YTHDC1: variants seen among roughly 807,000 people sequenced by gnomAD.
The protein encoded by YTHDC1 is YTH N6-methyladenosine RNA binding protein C1.
In YTHDC1, 12 loss-of-function variants were observed where a neutral mutation model predicts 107.0. The observed-to-expected ratio is 0.11, with a 90% confidence interval of 0.07 to 0.18. The LOEUF (loss-of-function observed/expected upper bound fraction) is 0.18. Ranked by LOEUF, YTHDC1 falls within the 10% of genes least tolerant of loss-of-function variation. The pLI, the probability that YTHDC1 is intolerant of heterozygous loss-of-function variation, is 1.00. For missense variants in YTHDC1, 635 were observed against 898.8 expected, an observed-to-expected ratio of 0.71 and a Z score of 3.75; for synonymous variants, 280 against 289.5, an observed-to-expected ratio of 0.97 and a Z score of 0.33.
At chr4:68,342,355 G>T (rs941805268) in intron 1 of YTHDC1, among the ~76,000 whole-genome samples, 1 of 152,128 alleles carries the variant, frequency 6.6e-6, no homozygotes, top group Non-Finnish European at 1.5e-5. Context: ...GGCAACCACC[G>T]AGTAGGCAGA....
In YTHDC1 at chr4:68,311,691, A is replaced by G. The variant is rs1721316964; in HGVS notation, c.*2408T>C. ...AACAGTGATGATTATGTGAGCCAAC[A>G]GAATTGTTTAGAATAGTGCCAGATA... On this transcript the variant is annotated 3_prime_UTR_variant, in exon 17 of 17. Coordinates refer to ENST00000344157, the MANE Select transcript of YTHDC1 (RefSeq NM_001031732.4). The G allele has an allele frequency of 6.6e-6, 1 of 152,250 alleles. No homozygotes were observed. Among genetic ancestry groups the G allele is most frequent in the African/African-American group, 2.4e-5 (1 of 41,460 alleles). 9.4% of individuals were successfully genotyped at this position (152,250 alleles called of 1,614,324 possible).
chr4:68,314,405 T>C (rs574147660), intron 16 of YTHDC1, 82 bp from the exon 17 acceptor site: 276 of 1,176,282 alleles, frequency 2.3e-4, no homozygotes, highest in Admixed American at 4.7e-4. Context: ...AAAAAATTTA[T>C]ATAAACAATT....
In YTHDC1 at chr4:68,314,322, T is replaced by G; in HGVS notation, c.1961A>C (p.His654Pro). ...ATCATCCACCCTCATATCATAATCA[T>G]GCTAGAAAAGGAAAGAAATGTGTTA... ...HEARYRDKRV[H>P]DYDMRVDDFL... Residue 654 changes from histidine (H) to proline (P), a missense_variant and splice_region_variant, in exon 17 of 17, where the codon CAT becomes CCT. This residue lies in a region of YTHDC1 where 256 missense variants were observed against 372.9 expected (regional missense o/e 0.69). Coordinates refer to ENST00000344157, the MANE Select transcript of YTHDC1 (RefSeq NM_001031732.4). 6.2e-7 allele frequency: 1 copy of G among 1,613,764 alleles called. No homozygotes were observed. The highest frequency in any genetic ancestry group is 8.5e-7 in the Non-Finnish European group (1 of 1,179,952).
intron 4 of YTHDC1, 81 bp from the exon 5 acceptor site, chr4:68,333,478 G>C: frequency 2.0e-6 from 2 of 1,019,648 alleles, no homozygotes; most frequent in Non-Finnish European, 2.9e-6. Flanking sequence ...ATCATTACAT[G>C]TCTAGTTTTT....
rs866878881 is a variant in YTHDC1, at chr4:68,336,536, G to C, written c.883+491C>G. ...CCTCTTGTCGACCCTGTCTCAGCCA[G>C]TCAACTGACAGACACAAAATTAGAA... On this transcript the variant is annotated intron_variant, in intron 4 of 16. Transcript: ENST00000344157. Among the ~76,000 whole-genome samples the C allele has an allele frequency of 2.1e-4, 32 of 152,250 alleles. No individual in the cohort carries two copies. In the South Asian group the frequency reaches 2.3e-3, roughly 11 times the overall value.
chr4:68,321,853 A>G (rs1301869494), intron 11 of YTHDC1, among the ~76,000 whole-genome samples: 1 of 152,222 alleles, frequency 6.6e-6, no homozygotes, highest in Non-Finnish European at 1.5e-5. Context: ...GCAAATCTAC[A>G]CAGGGGAAGG....
At chr4:68,326,320 C>G (rs540153650) in intron 9 of YTHDC1, among the ~76,000 whole-genome samples, 27 of 152,226 alleles carry the variant, frequency 1.8e-4, no homozygotes, top group African/African-American at 6.5e-4. Context: ...CAGAACATCA[C>G]AGAAAACTGT....
At chr4:68,335,350 T>G (rs950005146) in intron 4 of YTHDC1, among the ~76,000 whole-genome samples, 1 of 152,184 alleles carries the variant, frequency 6.6e-6, no homozygotes, top group Non-Finnish European at 1.5e-5. Flanking sequence ...TAAGGGATTT[T>G]CCTTTATAAG....
chr4:68,330,476 TA>T (rs1405886981), intron 7 of YTHDC1, among the ~76,000 whole-genome samples, 166 bp from the exon 8 acceptor site: 1 of 152,120 alleles, frequency 6.6e-6, no homozygotes, highest in Non-Finnish European at 1.5e-5. Context: ...AGTAATAATT[TA>T]TAAAAACCTA....
Position 68,337,124 on chromosome 4 carries a change from A to G in YTHDC1, c.786T>C (p.Asn262=). The G allele has an allele frequency of 6.2e-7, 1 of 1,613,744 alleles. No individual in the cohort carries two copies. Among genetic ancestry groups the G allele is most frequent in the Non-Finnish European group, 8.5e-7 (1 of 1,179,904 alleles). The change falls in exon 4 of 17, where the codon AAT becomes AAC. Residue 262 remains asparagine (N), a synonymous_variant. Coordinates refer to ENST00000344157, the MANE Select transcript of YTHDC1 (RefSeq NM_001031732.4). Reference sequence around the variant, plus strand: ...TGGCCTCACTTCGAGTGTCATAATCATTTCCCTCCTCTTTCTGGTCTCTCT... The same window carrying G: ...TGGCCTCACTTCGAGTGTCATAATCGTTTCCCTCCTCTTTCTGGTCTCTCT... ...QDERDQKEEG[N]DYDTRSEASD... is the part of the protein sequence containing the mutation.
chr4:68,341,892 G>A (rs1724843463), intron 1 of YTHDC1, among the ~76,000 whole-genome samples: 1 of 152,144 alleles, frequency 6.6e-6, no homozygotes, highest in Middle Eastern at 3.2e-3. Flanking sequence ...TTGGGGAAAG[G>A]AAAAGCAGGA....
intron 9 of YTHDC1, among the ~76,000 whole-genome samples, chr4:68,327,876 G>A (rs746732400): frequency 1.2e-4 from 19 of 152,084 alleles, no homozygotes; most frequent in Non-Finnish European, 2.2e-4. Flanking sequence ...CACTTGAATA[G>A]AACTTGAGTA....
At chr4:68,315,786 C>G (rs1434340280) in intron 16 of YTHDC1, 1 of 152,172 alleles carries the variant, frequency 6.6e-6, no homozygotes, top group African/African-American at 2.4e-5. Flanking sequence ...GAATAAAGGA[C>G]ATGTCTGCTA....
At chr4:68,321,486 G>A (rs1346532748) in intron 11 of YTHDC1, among the ~76,000 whole-genome samples, 1 of 152,174 alleles carries the variant, frequency 6.6e-6, no homozygotes, top group South Asian at 2.1e-4. Flanking sequence ...ATAAATGGAG[G>A]CCCTGGCAGG....
Position 68,320,104 on chromosome 4 carries a change from A to G in YTHDC1, c.1684+19T>C. 6.4e-7 allele frequency: 1 copy of G among 1,557,018 alleles called. No individual in the cohort carries two copies. The highest frequency in any genetic ancestry group is 8.7e-7 in the Non-Finnish European group (1 of 1,143,658). ...CAATAATTTGAAATCAAATATCTGCAGGATTATAAAATATTAACCTGGTCT... is the reference window on the plus strand; with the variant it reads ...CAATAATTTGAAATCAAATATCTGCGGGATTATAAAATATTAACCTGGTCT... On this transcript the variant is annotated intron_variant, in intron 12 of 16. Transcript: ENST00000344157.
At position 68,336,219 on chromosome 4, in the gene YTHDC1, T is replaced by C. The variant is rs963579916; in HGVS notation, c.883+808A>G. 5.3e-5 allele frequency among the ~76,000 whole-genome samples: 8 copies of C among 152,018 alleles called. No individual in the cohort carries two copies. In the South Asian group the frequency reaches 1.5e-3, roughly 28 times the overall value. On this transcript the variant is annotated intron_variant, in intron 4 of 16. Transcript: ENST00000344157. The stretch of plus-strand genomic sequence containing the variant: ...GGAATTTTCTTATGTTTAGTACATT[T>C]TGCTTATGTAGCAATCTGGTAGCAT...
chr4:68,331,425 TTA>T (rs1723566792), intron 7 of YTHDC1, among the ~76,000 whole-genome samples: 1 of 152,114 alleles, frequency 6.6e-6, no homozygotes, highest in South Asian at 2.1e-4. Context: ...AGAAATATCA[TTA>T]GAGAAATGTC....
In YTHDC1 at chr4:68,341,679, T is replaced by C. The variant is rs560993019; in HGVS notation, c.29-3295A>G. On this transcript the variant is annotated intron_variant, in intron 1 of 16. Coordinates refer to ENST00000344157, the MANE Select transcript of YTHDC1 (RefSeq NM_001031732.4). ...CAAAGAGTTTTGCCAACCCCTGATA[T>C]AATACAAATGACCAAATTTTAAGTA... is the stretch of plus-strand genomic sequence containing the variant. Among the ~76,000 whole-genome samples the C allele has an allele frequency of 6.6e-5, 10 of 152,168 alleles. No individual in the cohort carries two copies. In the East Asian group the frequency reaches 1.9e-3, roughly 29 times the overall value.
At chr4:68,320,975 TC>T (rs891317542) in intron 11 of YTHDC1, among the ~76,000 whole-genome samples, 1 of 152,096 alleles carries the variant, frequency 6.6e-6, no homozygotes, top group Non-Finnish European at 1.5e-5. Context: ...TAAAACTAAT[TC>T]AAAATATATT....
Sources: allele counts gnomAD v4.1 joint callset (sites outside exome capture counted in the v4.1 genomes callset), GRCh38; gene constraint gnomAD v4.1.1; regional missense constraint gnomAD v4.1.1; transcripts MANE v1.5; gene names NCBI Gene and HGNC (gene_info 2026-07-23, HGNC 2026-07-21).